Variants in SEMA3D observed in about 807,000 individuals in gnomAD.
The protein encoded by SEMA3D is semaphorin 3D.
SEMA3D carries 84 observed loss-of-function variants against 100.1 expected under a neutral mutation model. That is an observed-to-expected ratio of 0.84 (90% CI 0.70 to 1.01). The LOEUF (loss-of-function observed/expected upper bound fraction) is 1.01. Among genes scored for constraint, SEMA3D ranks in the 50% least tolerant of loss-of-function variants. The pLI is 0.00. For synonymous variants in SEMA3D, 312 were observed against 320.7 expected, an observed-to-expected ratio of 0.97 and a Z score of 0.29; for missense variants, 875 against 934.1, an observed-to-expected ratio of 0.94 and a Z score of 0.82.
chr7:85,065,653 C>T, intron 7 of SEMA3D, 101 bp from the exon 8 acceptor site: 1 of 835,544 alleles, frequency 1.2e-6, no homozygotes, highest in South Asian at 2.0e-5. Context: ...ATGTTTGTTT[C>T]TTAATATCAG....
At chr7:85,030,758 G>C (rs1353599441) in intron 12 of SEMA3D, among the ~76,000 whole-genome samples, 1 of 152,018 alleles carries the variant, frequency 6.6e-6, no homozygotes, top group Non-Finnish European at 1.5e-5. Context: ...CAACTATCAA[G>C]TTGGAAATTT....
chr7:85,111,650 G>C (rs757556057), intron 3 of SEMA3D, among the ~76,000 whole-genome samples: 4 of 151,972 alleles, frequency 2.6e-5, no homozygotes, highest in Non-Finnish European at 5.9e-5. Flanking sequence ...TGTCAACATA[G>C]AAATCAGAAT....
At chr7:85,121,980 C>G (rs562537260) in intron 2 of SEMA3D, 49 bp from the exon 3 acceptor site, 188 of 950,788 alleles carry the variant, frequency 2.0e-4, no homozygotes, top group Non-Finnish European at 2.7e-4. Flanking sequence ...AGCAAACTGA[C>G]ACAGGAAGAG....
intron 3 of SEMA3D, among the ~76,000 whole-genome samples, chr7:85,110,009 C>A (rs1449310747): frequency 1.3e-5 from 2 of 151,822 alleles, no homozygotes; most frequent in African/African-American, 2.4e-5. Flanking sequence ...AAATTATTTC[C>A]ACATTTATGC....
intron 4 of SEMA3D, among the ~76,000 whole-genome samples, chr7:85,095,353 T>C (rs1457467379): frequency 1.3e-5 from 2 of 151,940 alleles, no homozygotes; most frequent in Non-Finnish European, 2.9e-5. Flanking sequence ...AGTTCACATA[T>C]ATTGCAAATT....
At chr7:85,250,198 A>C in the SEMA3D span, among the ~76,000 whole-genome samples, 2 of 146,030 alleles carry the variant, frequency 1.4e-5, no homozygotes, top group Non-Finnish European at 3.0e-5. Flanking sequence ...TATAACCCGC[A>C]CCTGGCTCGG....
At chr7:85,068,774 C>T (rs1791695399) in intron 6 of SEMA3D, among the ~76,000 whole-genome samples, 1 of 152,018 alleles carries the variant, frequency 6.6e-6, no homozygotes, top group Non-Finnish European at 1.5e-5. Flanking sequence ...ATTATAGTAA[C>T]ATAAAAGTGT....
chr7:85,060,663 T>C (rs1438814114), intron 8 of SEMA3D, among the ~76,000 whole-genome samples: 1 of 152,122 alleles, frequency 6.6e-6, no homozygotes, highest in Non-Finnish European at 1.5e-5. Context: ...ACTACTTCCC[T>C]TTCTCCCTAT....
the SEMA3D span, among the ~76,000 whole-genome samples, chr7:85,216,724 T>A: frequency 6.6e-6 from 1 of 152,036 alleles, no homozygotes; most frequent in African/African-American, 2.4e-5. Context: ...GGAGTAGTGT[T>A]AATTAATAAA....
chr7:85,110,851 T>C (rs964632207), intron 3 of SEMA3D, among the ~76,000 whole-genome samples: 12 of 152,170 alleles, frequency 7.9e-5, no homozygotes, highest in African/African-American at 2.9e-4. Context: ...GAATTATCTA[T>C]AGTCAATGTC....
the SEMA3D span, among the ~76,000 whole-genome samples, chr7:85,204,588 G>A: frequency 6.6e-6 from 1 of 151,968 alleles, no homozygotes; most frequent in Non-Finnish European, 1.5e-5. Flanking sequence ...TGATAGGTAC[G>A]GGAACTTACT....
chr7:85,006,765 C>T (rs548933082), intron 18 of SEMA3D, 37 bp downstream of exon 18: 3 of 1,526,690 alleles, frequency 2.0e-6, no homozygotes, highest in African/African-American at 1.4e-5. Context: ...TACACTATTT[C>T]CCTCAAAGTG....
intron 9 of SEMA3D, among the ~76,000 whole-genome samples, chr7:85,054,590 C>T (rs1791256007): frequency 6.6e-6 from 1 of 152,048 alleles, no homozygotes; most frequent in Admixed American, 6.6e-5. Flanking sequence ...TCTGGGCTCA[C>T]AAGTTGGCCT....
upstream of SEMA3D, among the ~76,000 whole-genome samples, chr7:85,190,288 T>C (rs1250139723): frequency 6.6e-6 from 1 of 152,208 alleles, no homozygotes; most frequent in Non-Finnish European, 1.5e-5. Flanking sequence ...GTCATTTTAA[T>C]GTTTACTTCT....
intron 2 of SEMA3D, chr7:85,141,847 A>C (rs1341016431): frequency 2.4e-6 from 2 of 819,720 alleles, no homozygotes; most frequent in African/African-American, 1.9e-5. Flanking sequence ...CAGAATAAAC[A>C]AGGGCCCAGT....
intron 12 of SEMA3D, among the ~76,000 whole-genome samples, chr7:85,027,202 G>A (rs950842159): frequency 3.9e-5 from 6 of 152,092 alleles, no homozygotes; most frequent in African/African-American, 1.2e-4. Flanking sequence ...TTTGTAAGAC[G>A]AATTTTTCAG....
At chr7:85,102,472 T>C (rs1773006868) in intron 3 of SEMA3D, among the ~76,000 whole-genome samples, 1 of 152,014 alleles carries the variant, frequency 6.6e-6, no homozygotes, top group African/African-American at 2.4e-5. Context: ...TGCTGAAATA[T>C]AGGGACTATG....
chr7:85,237,704 A>G, the SEMA3D span, among the ~76,000 whole-genome samples: 76 of 152,310 alleles, frequency 5.0e-4, no homozygotes, highest in African/African-American at 1.8e-3. Flanking sequence ...TCTTGGTTGC[A>G]TCCAACTTTT....
intron 2 of SEMA3D, among the ~76,000 whole-genome samples, chr7:85,139,033 A>G (rs998957256): frequency 6.6e-6 from 1 of 152,150 alleles, no homozygotes. Flanking sequence ...TTTGGCAGTC[A>G]TAAGTATAAG....
Sources: gnomAD v4.1 joint callset for allele counts (sites outside exome capture counted in the v4.1 genomes callset) on GRCh38, gnomAD v4.1.1 for gene constraint, MANE v1.5 for transcripts, NCBI Gene and HGNC (gene_info 2026-07-23, HGNC 2026-07-21) for gene names.